The following SLC25A21 variants were observed in gnomAD, a reference collection of about 807,000 sequenced individuals.
SLC25A21 encodes the protein mitochondrial 2-oxodicarboxylate carrier.
A neutral mutation model predicts 43.8 loss-of-function variants in SLC25A21; 47 were observed. The observed-to-expected ratio is 1.07, with a 90% CI of 0.85 to 1.37. SLC25A21 has a LOEUF of 1.37. Among genes scored for constraint, SLC25A21 ranks in the 40% most tolerant of loss-of-function variants. The probability of loss-of-function intolerance (pLI) is 0.00; values close to 1 mark genes in which losing one functional copy is unlikely to be tolerated. For missense variants in SLC25A21, 352 were observed against 350.2 expected, an observed-to-expected ratio of 1.00 and a Z score of -0.04; for synonymous variants, 131 against 121.3, an observed-to-expected ratio of 1.08 and a Z score of -0.52.
chr14:36,838,347 C>A (rs536818684), intron 2 of SLC25A21, among the ~76,000 whole-genome samples: 1 of 152,354 alleles, frequency 6.6e-6, no homozygotes, highest in African/African-American at 2.4e-5. Context: ...GACACCTTCT[C>A]AAACACCAGT....
intron 1 of SLC25A21, among the ~76,000 whole-genome samples, chr14:37,127,689 TCTAA>T (rs1221670830): frequency 5.9e-5 from 9 of 152,322 alleles, no homozygotes; most frequent in South Asian, 2.1e-4. Flanking sequence ...AGACCAGGTC[TCTAA>T]CTGACTGCTA....
chr14:37,074,491 G>C (rs1001228213), intron 1 of SLC25A21, among the ~76,000 whole-genome samples: 3 of 152,150 alleles, frequency 2.0e-5, no homozygotes, highest in Non-Finnish European at 4.4e-5. Flanking sequence ...ACTTCCTTTT[G>C]CTTTCTGGCT....
At chr14:36,807,577 G>A (rs1888087012) in intron 3 of SLC25A21, among the ~76,000 whole-genome samples, 2 of 152,056 alleles carry the variant, frequency 1.3e-5, no homozygotes, top group African/African-American at 4.8e-5. Context: ...TTGCTCAGGG[G>A]GTTTTCTACA....
At chr14:36,891,183 C>T (rs1891062686) in intron 1 of SLC25A21, among the ~76,000 whole-genome samples, 1 of 152,082 alleles carries the variant, frequency 6.6e-6, no homozygotes. Flanking sequence ...TGTATTAGCA[C>T]TAAAAGAATC....
intron 2 of SLC25A21, among the ~76,000 whole-genome samples, chr14:36,845,161 C>G (rs377636890): frequency 2.6e-4 from 40 of 152,232 alleles, no homozygotes; most frequent in African/African-American, 9.1e-4. Context: ...CTCCATTTTT[C>G]TGGGGGCACA....
chr14:37,081,461 TG>T (rs1962386407), intron 1 of SLC25A21, among the ~76,000 whole-genome samples: 1 of 152,200 alleles, frequency 6.6e-6, no homozygotes, highest in Admixed American at 6.5e-5. Context: ...ACACTTACAG[TG>T]ATTTGCTTCT....
At chr14:37,119,409 CGTGGTGGT>C (rs767884682) in intron 1 of SLC25A21, among the ~76,000 whole-genome samples, 1 of 151,840 alleles carries the variant, frequency 6.6e-6, no homozygotes, top group East Asian at 1.9e-4. Context: ...ATTATCCAGG[CGTGGTGGT>C]GTGGTGGCAT....
At chr14:36,910,305 T>C (rs1891652094) in intron 1 of SLC25A21, among the ~76,000 whole-genome samples, 1 of 152,106 alleles carries the variant, frequency 6.6e-6, no homozygotes, top group Non-Finnish European at 1.5e-5. Flanking sequence ...CTATAAAGTA[T>C]CAAAGCCTAG....
At chr14:36,919,873 T>C (rs1051565412) in intron 1 of SLC25A21, among the ~76,000 whole-genome samples, 11 of 152,044 alleles carry the variant, frequency 7.2e-5, no homozygotes, top group Non-Finnish European at 1.2e-4. Flanking sequence ...ATAATGGTGA[T>C]GAATGAAAGT....
chr14:37,088,764 G>A (rs1962529729), intron 1 of SLC25A21, among the ~76,000 whole-genome samples: 1 of 152,130 alleles, frequency 6.6e-6, no homozygotes, highest in Non-Finnish European at 1.5e-5. Context: ...ATTTCCTTCT[G>A]AGAAAATTAG....
chr14:36,989,416 G>A (rs569390411), intron 1 of SLC25A21, among the ~76,000 whole-genome samples: 7 of 152,208 alleles, frequency 4.6e-5, no homozygotes, highest in Middle Eastern at 3.4e-3. Context: ...ATATTGGGAG[G>A]GGGGTGGCAG....
chr14:36,815,452 T>C (rs566441150), intron 2 of SLC25A21, among the ~76,000 whole-genome samples: 39 of 152,198 alleles, frequency 2.6e-4, no homozygotes, highest in Non-Finnish European at 4.9e-4. Flanking sequence ...TATATTGAGG[T>C]TGTATTACTC....
chr14:37,009,786 C>T (rs893640707), intron 1 of SLC25A21, among the ~76,000 whole-genome samples: 4 of 152,140 alleles, frequency 2.6e-5, no homozygotes, highest in Admixed American at 6.6e-5. Flanking sequence ...CCAACTAGTT[C>T]AGGTATTAAT....
intron 3 of SLC25A21, among the ~76,000 whole-genome samples, chr14:36,766,173 T>C (rs1197551369): frequency 6.6e-6 from 1 of 152,202 alleles, no homozygotes; most frequent in Non-Finnish European, 1.5e-5. Flanking sequence ...GTTTTTCTTA[T>C]TGTGGTTGCA....
At chr14:37,018,112 A>C (rs1214090358) in intron 1 of SLC25A21, among the ~76,000 whole-genome samples, 1 of 152,060 alleles carries the variant, frequency 6.6e-6, no homozygotes, top group African/African-American at 2.4e-5. Context: ...ACAAATATGA[A>C]GGAATCCCCA....
At chr14:36,883,810 C>T (rs912850040) in intron 1 of SLC25A21, among the ~76,000 whole-genome samples, 4 of 151,956 alleles carry the variant, frequency 2.6e-5, no homozygotes, top group Non-Finnish European at 5.9e-5. Flanking sequence ...ACTGATCTTA[C>T]TTATTTTTTT....
At chr14:36,768,957 ATATC>A (rs959997110) in intron 3 of SLC25A21, among the ~76,000 whole-genome samples, 7 of 121,668 alleles carry the variant, frequency 5.8e-5, no homozygotes, top group African/African-American at 1.4e-4. Flanking sequence ...ACAAAAACCT[ATATC>A]TATCTATATC....
intron 1 of SLC25A21, among the ~76,000 whole-genome samples, chr14:37,114,053 C>CA (rs1963065388): frequency 6.6e-6 from 1 of 152,038 alleles, no homozygotes; most frequent in African/African-American, 2.4e-5. Context: ...GGTGATGCAA[C>CA]AAAAATGTAT....
At chr14:36,912,555 T>C (rs537600098) in intron 1 of SLC25A21, among the ~76,000 whole-genome samples, 59 of 152,344 alleles carry the variant, frequency 3.9e-4, no homozygotes, top group Non-Finnish European at 8.1e-4. Context: ...TGGAAAGGTA[T>C]CCAAAAGTGC....
Sources: allele counts gnomAD v4.1 joint callset (sites outside exome capture counted in the v4.1 genomes callset), GRCh38; gene constraint gnomAD v4.1.1; transcripts MANE v1.5; gene names NCBI Gene and HGNC (gene_info 2026-07-23, HGNC 2026-07-21).